Variants in STXBP5L observed in about 807,000 individuals in gnomAD.
The protein encoded by STXBP5L is syntaxin-binding protein 5-like.
A neutral mutation model predicts 144.5 loss-of-function variants in STXBP5L; 65 were observed. The observed-to-expected ratio is 0.45, with a 90% CI of 0.37 to 0.55. The LOEUF is 0.55. STXBP5L is among the 20% of genes least tolerant of loss of function. The pLI, the probability that STXBP5L is intolerant of heterozygous loss-of-function variation, is 0.00. For synonymous variants in STXBP5L, 505 were observed against 469.6 expected (o/e 1.08, Z -0.97); for missense variants, 1,298 against 1,405.5 (o/e 0.92, Z 1.22).
At chr3:121,307,570 T>G (rs2043379078) in intron 19 of STXBP5L, among the ~76,000 whole-genome samples, 1 of 152,034 alleles carries the variant, frequency 6.6e-6, no homozygotes, top group South Asian at 2.1e-4. Context: ...AGATTTGAAC[T>G]AGCAAAAATA....
chr3:121,065,063 G>A (rs2041476550), intron 5 of STXBP5L, among the ~76,000 whole-genome samples: 1 of 122,922 alleles, frequency 8.1e-6, no homozygotes, highest in African/African-American at 3.3e-5. Flanking sequence ...TGGCTGCAAA[G>A]GTTGTGATTT....
At chr3:121,312,494 G>A (rs1293078848) in intron 19 of STXBP5L, among the ~76,000 whole-genome samples, 1 of 73,000 alleles carries the variant, frequency 1.4e-5, no homozygotes, top group African/African-American at 5.7e-5. Context: ...TCATTCTTGG[G>A]TGTTTCTCGC....
At chr3:121,263,535 G>A (rs1328645413) in intron 18 of STXBP5L, among the ~76,000 whole-genome samples, 1 of 152,138 alleles carries the variant, frequency 6.6e-6, no homozygotes, top group Admixed American at 6.5e-5. Context: ...AGCTAAAGGA[G>A]CATGTTCTAA....
intron 20 of STXBP5L, among the ~76,000 whole-genome samples, chr3:121,367,563 C>T (rs1408455881): frequency 8.1e-6 from 1 of 123,134 alleles, no homozygotes; most frequent in African/African-American, 3.1e-5. Flanking sequence ...TCTATTGCTG[C>T]TTTCAAGGTT....
chr3:121,373,420 C>T (rs1304564568), intron 20 of STXBP5L, among the ~76,000 whole-genome samples: 1 of 152,182 alleles, frequency 6.6e-6, no homozygotes, highest in Non-Finnish European at 1.5e-5. Context: ...GTGCTGGGAC[C>T]TCTGGGACCC....
At chr3:121,179,705 A>G (rs968442448) in intron 9 of STXBP5L, among the ~76,000 whole-genome samples, 14 of 152,174 alleles carry the variant, frequency 9.2e-5, no homozygotes, top group Admixed American at 2.6e-4. Flanking sequence ...ATATGGATGA[A>G]AAATTTTCCA....
chr3:121,043,585 T>G (rs868484193), intron 4 of STXBP5L, among the ~76,000 whole-genome samples: 22 of 152,140 alleles, frequency 1.4e-4, no homozygotes, highest in Admixed American at 9.2e-4. Flanking sequence ...TGCACACACC[T>G]GTAGTCCCAG....
intron 5 of STXBP5L, among the ~76,000 whole-genome samples, chr3:121,078,610 A>G (rs1464578012): frequency 6.6e-6 from 1 of 152,220 alleles, no homozygotes; most frequent in Non-Finnish European, 1.5e-5. Flanking sequence ...GGCTTGGGCC[A>G]CACAGGAGCC....
chr3:121,151,520 C>G (rs948071771), intron 7 of STXBP5L, among the ~76,000 whole-genome samples: 102 of 152,126 alleles, frequency 6.7e-4, no homozygotes, highest in African/African-American at 2.4e-3. Context: ...TCAGGATGCT[C>G]TGCAGGCTTA....
At chr3:121,340,027 T>C (rs1321777937) in intron 20 of STXBP5L, among the ~76,000 whole-genome samples, 2 of 151,962 alleles carry the variant, frequency 1.3e-5, no homozygotes, top group Non-Finnish European at 2.9e-5. Flanking sequence ...AATACCAAAT[T>C]ATTTTTCACA....
intron 3 of STXBP5L, among the ~76,000 whole-genome samples, chr3:120,982,014 A>G (rs1320763768): frequency 6.6e-6 from 1 of 152,154 alleles, no homozygotes; most frequent in African/African-American, 2.4e-5. Flanking sequence ...TGGGTATTTG[A>G]GCAGGCTAAT....
intron 14 of STXBP5L, among the ~76,000 whole-genome samples, chr3:121,247,523 C>T (rs1253203949): frequency 6.6e-6 from 1 of 152,056 alleles, no homozygotes; most frequent in African/African-American, 2.4e-5. Flanking sequence ...TGTTTATGTC[C>T]ATGTGTACTT....
In STXBP5L at chr3:121,060,030, G is replaced by A. The variant is rs533288839; in HGVS notation, c.470+14495G>A. On this transcript the variant is annotated intron_variant, in intron 5 of 26. Transcript: ENST00000471454. ...TATGTTGAATAGGAGTGGTGAGAGA[G>A]GGCATCCTTGTCTTATGCTAGTTTT... Among the ~76,000 whole-genome samples the A allele has an allele frequency of 2.0e-5, 3 of 152,276 alleles. No individual in the cohort carries two copies. The South Asian group carries it at 6.2e-4, about 32-fold the overall frequency.
rs534439654 is a variant in STXBP5L at position 120,956,628 on chromosome 3, A to G, written c.287+1591A>G. ...TTTAGCTATTATGAATAATATTGCT[A>G]TGAACATGGGTGTACAAATATCTCT... On this transcript the variant is annotated intron_variant, in intron 3 of 26. Coordinates refer to ENST00000471454, the MANE Select transcript of STXBP5L (RefSeq NM_001308330.2). 5.3e-5 allele frequency among the ~76,000 whole-genome samples: 8 copies of G among 152,042 alleles called. No homozygotes were observed. The South Asian group carries it at 1.7e-3, about 31-fold the overall frequency.
intron 22 of STXBP5L, among the ~76,000 whole-genome samples, chr3:121,397,465 C>T (rs1175365272): frequency 6.6e-6 from 1 of 152,204 alleles, no homozygotes; most frequent in Non-Finnish European, 1.5e-5. Context: ...TTTCTCTTTA[C>T]TTAGCGGCCA....
In STXBP5L at chr3:121,023,278, A is replaced by G. The variant is rs139808340; in HGVS notation, c.288-18422A>G. 3.0e-3 allele frequency among the ~76,000 whole-genome samples: 462 copies of G among 152,310 alleles called. 3 individuals are homozygous for G. Among genetic ancestry groups the G allele is most frequent in the African/African-American group, 0.01 (432 of 41,574 alleles). On this transcript the variant is annotated intron_variant, in intron 3 of 26. Coordinates refer to ENST00000471454, the MANE Select transcript of STXBP5L (RefSeq NM_001308330.2). ...ACAAATGGACACCCCTCCCATGCTC[A>G]TGGATGGATAGAATCAGTATTGTGA...
intron 3 of STXBP5L, among the ~76,000 whole-genome samples, chr3:121,006,059 C>G (rs1364765458): frequency 6.6e-6 from 1 of 152,140 alleles, no homozygotes; most frequent in Non-Finnish European, 1.5e-5. Context: ...CTGTTGATGT[C>G]TGTTAGGTCT....
intron 20 of STXBP5L, among the ~76,000 whole-genome samples, chr3:121,348,789 G>C (rs903925115): frequency 6.6e-6 from 1 of 151,996 alleles, no homozygotes; most frequent in African/African-American, 2.4e-5. Flanking sequence ...TACTTCTGTG[G>C]GATCGGCGGT....
chr3:121,329,799 G>A (rs1409297215), intron 20 of STXBP5L, among the ~76,000 whole-genome samples: 2 of 152,120 alleles, frequency 1.3e-5, no homozygotes, highest in East Asian at 3.9e-4. Context: ...GGAGGAGGAT[G>A]CAGTGAGCCG....
Sources: allele counts gnomAD v4.1 joint callset (sites outside exome capture counted in the v4.1 genomes callset), GRCh38; gene constraint gnomAD v4.1.1; transcripts MANE v1.5; gene names NCBI Gene and HGNC (gene_info 2026-07-23, HGNC 2026-07-21).